The following DENND2C variants were observed in gnomAD, a reference collection of about 807,000 sequenced individuals.
The protein encoded by DENND2C is DENN domain containing 2C.
Under a neutral mutation model 112.4 loss-of-function variants are expected in DENND2C, and 72 were observed. That is an observed-to-expected ratio of 0.64 (90% CI 0.53 to 0.78). The LOEUF is 0.78. Ranked by LOEUF, DENND2C falls within the 30% of genes least tolerant of loss-of-function variation. The pLI, the probability that DENND2C is intolerant of heterozygous loss-of-function variation, is 0.00. For missense variants in DENND2C, 992 were observed against 1,113.8 expected, an observed-to-expected ratio of 0.89 and a Z score of 1.56; for synonymous variants, 329 against 381.6, an observed-to-expected ratio of 0.86 and a Z score of 1.61.
intron 3 of DENND2C, among the ~76,000 whole-genome samples, chr1:114,628,322 A>G (rs1250253857): frequency 6.7e-6 from 1 of 149,872 alleles, no homozygotes; most frequent in Non-Finnish European, 1.5e-5. Flanking sequence ...CCCAACTCAA[A>G]AAAAAAAAAA....
intron 3 of DENND2C, among the ~76,000 whole-genome samples, chr1:114,637,299 G>A (rs1395934525): frequency 2.0e-5 from 3 of 150,292 alleles, no homozygotes; most frequent in African/African-American, 7.3e-5. Flanking sequence ...AACCCAGGAG[G>A]TGGAGGCTGT....
At chr1:114,649,438 G>C (rs1285733136) in intron 2 of DENND2C, among the ~76,000 whole-genome samples, 1 of 151,980 alleles carries the variant, frequency 6.6e-6, no homozygotes, top group Non-Finnish European at 1.5e-5. Context: ...GGCACGGTGT[G>C]ATCATAGTTT....
intron 8 of DENND2C, among the ~76,000 whole-genome samples, chr1:114,612,041 CA>C (rs1448135136): frequency 1.3e-5 from 2 of 151,810 alleles, no homozygotes; most frequent in Admixed American, 1.3e-4. Context: ...TCTTAATATT[CA>C]AAGAACTGTT....
chr1:114,583,667 T>G lies in DENND2C; in HGVS notation c.*1933A>C, dbSNP rs1654963015. On this transcript the variant is annotated 3_prime_UTR_variant, in exon 21 of 21. Transcript: ENST00000393274. ...CACTAAAAGTACAAAATTAGCCAGGTGTGGTGGCGGGTGCCTATAATTCCA... is the reference window on the plus strand; with the variant it reads ...CACTAAAAGTACAAAATTAGCCAGGGGTGGTGGCGGGTGCCTATAATTCCA... 6.6e-6 allele frequency: 1 copy of G among 151,528 alleles called. No homozygotes were observed. Among genetic ancestry groups the G allele is most frequent in the South Asian group, 2.1e-4 (1 of 4,782 alleles). The allele number at this position is 151,528 out of a possible 1,614,324, so 9.4% of individuals were successfully genotyped here.
At chr1:114,619,675 CAAG>C (rs1176715422) in intron 7 of DENND2C, among the ~76,000 whole-genome samples, 1 of 151,796 alleles carries the variant, frequency 6.6e-6, no homozygotes, top group African/African-American at 2.4e-5. Context: ...TTACAAAAAA[CAAG>C]AGAATCTAAA....
chr1:114,651,418 C>T (rs1305675267), intron 2 of DENND2C, among the ~76,000 whole-genome samples: 1 of 152,044 alleles, frequency 6.6e-6, no homozygotes, highest in Admixed American at 6.6e-5. Flanking sequence ...CACCACTGCA[C>T]TCCAGCCTGG....
At chr1:114,651,718 CAG>C (rs1378885077) in intron 2 of DENND2C, among the ~76,000 whole-genome samples, 3 of 152,200 alleles carry the variant, frequency 2.0e-5, no homozygotes, top group Non-Finnish European at 2.9e-5. Flanking sequence ...GCCTGGGTGA[CAG>C]AGTGAGATTT....
At chr1:114,587,313 C>T in intron 20 of DENND2C, 74 bp downstream of exon 20, 1 of 1,536,464 alleles carries the variant, frequency 6.5e-7, no homozygotes. Context: ...TCGCAAAGTG[C>T]TGGAATTACA....
intron 2 of DENND2C, among the ~76,000 whole-genome samples, chr1:114,646,739 T>C (rs1656998524): frequency 6.6e-6 from 1 of 152,200 alleles, no homozygotes; most frequent in Non-Finnish European, 1.5e-5. Context: ...ACAAGTAGCA[T>C]TTCTAATGCT....
intron 10 of DENND2C, among the ~76,000 whole-genome samples, chr1:114,607,741 T>C (rs1359159082): frequency 6.6e-6 from 1 of 152,202 alleles, no homozygotes; most frequent in African/African-American, 2.4e-5. Flanking sequence ...CCAAATATTA[T>C]TGTTAATAAT....
chr1:114,658,311 G>C (rs1164475989), intron 1 of DENND2C, among the ~76,000 whole-genome samples: 1 of 152,178 alleles, frequency 6.6e-6, no homozygotes, highest in Non-Finnish European at 1.5e-5. Context: ...ATCAGATAAA[G>C]AGTGGGAGAA....
At position 114,611,095 on chromosome 1, in the gene DENND2C, A is replaced by G; in HGVS notation, c.1347T>C (p.Ser449=). 9 of 1,614,160 alleles carry G rather than the reference A, an allele frequency of 5.6e-6. No individual in the cohort carries two copies. In the South Asian group the frequency reaches 9.9e-5, roughly 18 times the overall value. The change falls in exon 9 of 21, where the codon AGT becomes AGC. Residue 449 remains serine, a synonymous_variant. Coordinates refer to ENST00000393274, the MANE Select transcript of DENND2C (RefSeq NM_001256404.2). ...CACTCTTTGGCAGATACTCGGCATC[A>G]CTTTCGTTCCCACTGGTTTCACCTG... ...PTKGETSGNE[S]DAEYLPKNRH... is the part of the protein sequence containing the mutation.
chr1:114,615,305 G>A (rs1027544904), intron 8 of DENND2C, among the ~76,000 whole-genome samples: 5 of 152,112 alleles, frequency 3.3e-5, no homozygotes, highest in African/African-American at 1.2e-4. Context: ...CAATACCATT[G>A]TTGAAGATAA....
chr1:114,639,690 C>CATCT (rs901416619), intron 3 of DENND2C, among the ~76,000 whole-genome samples: 45 of 149,512 alleles, frequency 3.0e-4, no homozygotes, highest in African/African-American at 1.1e-3. Context: ...TGAAATATTC[C>CATCT]ATCTCTTCAT....
At chr1:114,618,255 T>G in intron 8 of DENND2C, 131 bp downstream of exon 8, 1 of 432,028 alleles carries the variant, frequency 2.3e-6, no homozygotes, top group Non-Finnish European at 4.0e-6. Context: ...CCCAAAGTGC[T>G]GGGATTACAG....
intron 6 of DENND2C, among the ~76,000 whole-genome samples, chr1:114,622,662 T>G (rs897668804): frequency 5.9e-5 from 9 of 152,010 alleles, no homozygotes; most frequent in African/African-American, 2.2e-4. Flanking sequence ...TCTCACATAC[T>G]TTCAGGGACT....
chr1:114,606,688 T>A (rs1655664452), intron 10 of DENND2C, among the ~76,000 whole-genome samples: 1 of 152,168 alleles, frequency 6.6e-6, no homozygotes, highest in South Asian at 2.1e-4. Flanking sequence ...AATGGAGTTT[T>A]TATTTGCTAT....
intron 8 of DENND2C, among the ~76,000 whole-genome samples, chr1:114,617,066 C>T (rs116157372): frequency 0.051 from 7,712 of 152,096 alleles, 277 homozygotes; most frequent in African/African-American, 0.09. Flanking sequence ...GAGAATAGCA[C>T]GGGAAAGACC....
intron 3 of DENND2C, among the ~76,000 whole-genome samples, chr1:114,641,109 G>T (rs1014053884): frequency 1.3e-5 from 2 of 151,830 alleles, no homozygotes; most frequent in Non-Finnish European, 2.9e-5. Flanking sequence ...TTCTCTGAAG[G>T]TAGGAAAGCC....
Sources: allele counts gnomAD v4.1 joint callset (sites outside exome capture counted in the v4.1 genomes callset), GRCh38; gene constraint gnomAD v4.1.1; transcripts MANE v1.5; gene names NCBI Gene and HGNC (gene_info 2026-07-23, HGNC 2026-07-21).